The following GPC6 variants were observed in gnomAD, a reference collection of about 807,000 sequenced individuals.
GPC6 encodes glypican 6, also known as glypican-6.
In GPC6, 14 loss-of-function variants were observed where a neutral mutation model predicts 55.2. The ratio of observed to expected loss-of-function variants is 0.25; its 90% CI spans 0.17 to 0.40. The LOEUF is 0.40. GPC6 is among the 10% of genes least tolerant of loss of function. The pLI is 1.00. For missense variants in GPC6, 641 were observed against 708.5 expected (o/e 0.90, Z 1.08); for synonymous variants, 278 against 259.6 (o/e 1.07, Z -0.68).
intron 4 of GPC6, among the ~76,000 whole-genome samples, chr13:94,140,354 T>C (rs1887330050): frequency 6.6e-6 from 1 of 152,242 alleles, no homozygotes; most frequent in South Asian, 2.1e-4. Context: ...AACTAGTTTG[T>C]GTTTGACACT....
chr13:93,885,075 A>T (rs1875242459), intron 3 of GPC6, among the ~76,000 whole-genome samples: 1 of 152,078 alleles, frequency 6.6e-6, no homozygotes, highest in Admixed American at 6.6e-5. Flanking sequence ...GAGATTAAAA[A>T]GTCCTTGAAG....
At chr13:93,622,130 C>T (rs188735122) in intron 2 of GPC6, among the ~76,000 whole-genome samples, 1 of 152,272 alleles carries the variant, frequency 6.6e-6, no homozygotes, top group Admixed American at 6.5e-5. Context: ...TGTCAAGCTA[C>T]ACTCTTATAT....
intron 2 of GPC6, among the ~76,000 whole-genome samples, chr13:93,582,710 C>T (rs1304048483): frequency 6.6e-6 from 1 of 152,144 alleles, no homozygotes; most frequent in African/African-American, 2.4e-5. Flanking sequence ...ACTGTAACTC[C>T]CAGCCTCTGT....
chr13:94,172,492 T>C (rs1888607639), intron 4 of GPC6, among the ~76,000 whole-genome samples: 1 of 152,176 alleles, frequency 6.6e-6, no homozygotes. Flanking sequence ...GTCAACAAAT[T>C]ATAGCCATCA....
chr13:94,359,127 A>G (rs77087290), intron 6 of GPC6, among the ~76,000 whole-genome samples: 6,436 of 152,302 alleles, frequency 0.042, 215 homozygotes, highest in Non-Finnish European at 0.068. Context: ...TGGAAAAAAC[A>G]TTGAGAAACC....
chr13:93,536,661 G>T (rs1024228313), intron 1 of GPC6, among the ~76,000 whole-genome samples: 11 of 152,150 alleles, frequency 7.2e-5, no homozygotes, highest in Non-Finnish European at 2.9e-5. Context: ...TTTGGTTATT[G>T]TGAATAATGC....
At chr13:94,342,933 T>A (rs1262437357) in intron 6 of GPC6, among the ~76,000 whole-genome samples, 1 of 152,198 alleles carries the variant, frequency 6.6e-6, no homozygotes, top group Non-Finnish European at 1.5e-5. Context: ...ATTTGAGGGA[T>A]TTCCTGATTC....
intron 2 of GPC6, among the ~76,000 whole-genome samples, chr13:93,627,595 C>T (rs1038851871): frequency 3.3e-5 from 5 of 152,182 alleles, no homozygotes; most frequent in Non-Finnish European, 7.3e-5. Context: ...TCTATAAGTA[C>T]GCTTCAGATC....
At chr13:93,228,675 G>A (rs1410720001) in intron 1 of GPC6, among the ~76,000 whole-genome samples, 1 of 152,164 alleles carries the variant, frequency 6.6e-6, no homozygotes, top group Non-Finnish European at 1.5e-5. Context: ...AGAGGCCGAG[G>A]GAGGCCAGGA....
chr13:94,031,193 C>T (rs920580154), intron 4 of GPC6, among the ~76,000 whole-genome samples: 1 of 152,112 alleles, frequency 6.6e-6, no homozygotes, highest in African/African-American at 2.4e-5. Flanking sequence ...GGAAGTTTAA[C>T]TCAGTTCCCT....
At chr13:94,061,618 C>T (rs530039501) in intron 4 of GPC6, among the ~76,000 whole-genome samples, 3 of 151,846 alleles carry the variant, frequency 2.0e-5, no homozygotes, top group South Asian at 2.1e-4. Context: ...AATTCCTCAC[C>T]GAGAAGGAGC....
At chr13:93,751,875 T>C (rs1202225665) in intron 2 of GPC6, among the ~76,000 whole-genome samples, 2 of 152,084 alleles carry the variant, frequency 1.3e-5, no homozygotes, top group African/African-American at 2.4e-5. Context: ...TTTTCTTTTC[T>C]CTCATTTCCA....
intron 4 of GPC6, among the ~76,000 whole-genome samples, chr13:94,267,396 A>G (rs1215340006): frequency 6.6e-6 from 1 of 152,190 alleles, no homozygotes; most frequent in Non-Finnish European, 1.5e-5. Flanking sequence ...AAATGTTTCA[A>G]ATATTCTTAA....
intron 1 of GPC6, among the ~76,000 whole-genome samples, chr13:93,529,931 A>G (rs1881800951): frequency 6.6e-6 from 1 of 152,202 alleles, no homozygotes; most frequent in Admixed American, 6.5e-5. Flanking sequence ...ATGAATGAAT[A>G]AATAAATAAA....
chr13:94,137,484 G>T (rs940000921), intron 4 of GPC6, among the ~76,000 whole-genome samples: 3 of 152,182 alleles, frequency 2.0e-5, no homozygotes, highest in Non-Finnish European at 4.4e-5. Flanking sequence ...TCTGAGCTGA[G>T]CCTTAAGGAG....
chr13:93,623,211 A>G (rs910526363), intron 2 of GPC6, among the ~76,000 whole-genome samples: 42 of 152,188 alleles, frequency 2.8e-4, no homozygotes, highest in Middle Eastern at 3.4e-3. Context: ...AATAGTGCTG[A>G]AAAAAAAAAT....
intron 2 of GPC6, among the ~76,000 whole-genome samples, chr13:93,557,862 T>C (rs534792686): frequency 6.6e-6 from 1 of 152,340 alleles, no homozygotes; most frequent in Non-Finnish European, 1.5e-5. Flanking sequence ...TTTCTTCCAA[T>C]GGCTGAGATT....
intron 1 of GPC6, among the ~76,000 whole-genome samples, chr13:93,492,582 G>T (rs1880064192): frequency 7.0e-6 from 1 of 143,834 alleles, no homozygotes; most frequent in Admixed American, 6.9e-5. Flanking sequence ...GTGAGAGAGG[G>T]CATCCCTGTC....
At chr13:93,812,205 A>G (rs897245922) in intron 2 of GPC6, among the ~76,000 whole-genome samples, 2 of 151,534 alleles carry the variant, frequency 1.3e-5, no homozygotes, top group Non-Finnish European at 2.9e-5. Flanking sequence ...ACTGGCCAAC[A>G]TGGTGAAACC....
Sources: allele counts gnomAD v4.1 joint callset (sites outside exome capture counted in the v4.1 genomes callset), GRCh38; gene constraint gnomAD v4.1.1; transcripts MANE v1.5; gene names NCBI Gene and HGNC (gene_info 2026-07-23, HGNC 2026-07-21).